The following HDAC4 variants were observed in gnomAD, a reference collection of about 807,000 sequenced individuals.
HDAC4 encodes the protein histone deacetylase A.
HDAC4 carries 16 observed loss-of-function variants against 135.1 expected under a neutral mutation model. The ratio of observed to expected loss-of-function variants is 0.12; its 90% confidence interval spans 0.08 to 0.18. The LOEUF (loss-of-function observed/expected upper bound fraction) is 0.18, where lower values mean the gene tolerates loss of function less well. HDAC4 is among the 10% of genes least tolerant of loss of function. The pLI is 1.00. For missense variants in HDAC4, 1,143 were observed against 1,511.8 expected, an observed-to-expected ratio of 0.76 and a Z score of 4.05; for synonymous variants, 685 against 653.4, an observed-to-expected ratio of 1.05 and a Z score of -0.74.
chr2:239,280,297 G>A (rs1035239259), intron 2 of HDAC4, among the ~76,000 whole-genome samples: 4 of 152,196 alleles, frequency 2.6e-5, no homozygotes, highest in African/African-American at 9.7e-5. Context: ...CTGTGTTAAA[G>A]AAGGAAAGAA....
intron 1 of HDAC4, among the ~76,000 whole-genome samples, chr2:239,380,279 T>G (rs1695323140): frequency 6.6e-6 from 1 of 152,216 alleles, no homozygotes; most frequent in Admixed American, 6.5e-5. Flanking sequence ...CACACACACG[T>G]CCGTGCACAC....
chr2:239,227,036 G>T (rs1457571384), intron 3 of HDAC4, among the ~76,000 whole-genome samples: 1 of 152,258 alleles, frequency 6.6e-6, no homozygotes, highest in Non-Finnish European at 1.5e-5. Flanking sequence ...AATGCTGGAA[G>T]TCAGAAAGGA....
At chr2:239,123,497 G>GAGCA (rs1262296346) in intron 12 of HDAC4, among the ~76,000 whole-genome samples, 1 of 152,248 alleles carries the variant, frequency 6.6e-6, no homozygotes, top group African/African-American at 2.4e-5. Flanking sequence ...TGCCACCCTG[G>GAGCA]AGCAAGGCCC....
intron 22 of HDAC4, among the ~76,000 whole-genome samples, chr2:239,074,798 T>C (rs1475611937): frequency 6.6e-6 from 1 of 152,126 alleles, no homozygotes; most frequent in East Asian, 1.9e-4. Context: ...ACTCCCTGTG[T>C]CTTCAGGACT....
chr2:239,323,197 C>CA (rs138737731), intron 2 of HDAC4, among the ~76,000 whole-genome samples: 3 of 152,052 alleles, frequency 2.0e-5, no homozygotes, highest in African/African-American at 7.2e-5. Context: ...TACGGAGCTA[C>CA]AAAAAAATCC....
chr2:239,263,406 A>T (rs2049506455), intron 2 of HDAC4, among the ~76,000 whole-genome samples: 1 of 151,510 alleles, frequency 6.6e-6, no homozygotes, highest in African/African-American at 2.4e-5. Context: ...TCTTCACAAC[A>T]GGCAGCAGGT....
intron 16 of HDAC4, among the ~76,000 whole-genome samples, chr2:239,101,379 T>C (rs10169279): frequency 0.6 from 91,221 of 151,968 alleles, 28,095 homozygotes; most frequent in African/African-American, 0.74. Flanking sequence ...CGTGAGCGAG[T>C]GAGTGAGTGA....
chr2:239,127,367 G>T (rs1303348922), intron 11 of HDAC4, among the ~76,000 whole-genome samples: 1 of 152,198 alleles, frequency 6.6e-6, no homozygotes, highest in African/African-American at 2.4e-5. Flanking sequence ...CATTTTGATA[G>T]ATGATCTTGC....
chr2:239,266,964 G>T (rs1256822566), intron 2 of HDAC4, among the ~76,000 whole-genome samples: 1 of 152,160 alleles, frequency 6.6e-6, no homozygotes, highest in Admixed American at 6.5e-5. Flanking sequence ...ACAAGGCAGG[G>T]CTACTGGTAA....
chr2:239,214,987 C>A (rs963213859), intron 3 of HDAC4, among the ~76,000 whole-genome samples: 1 of 152,174 alleles, frequency 6.6e-6, no homozygotes, highest in African/African-American at 2.4e-5. Flanking sequence ...CTGAGAACGC[C>A]CAGCTGGGGA....
At chr2:239,079,817 T>C (rs1402348989) in intron 22 of HDAC4, among the ~76,000 whole-genome samples, 3 of 150,768 alleles carry the variant, frequency 2.0e-5, no homozygotes, top group African/African-American at 4.9e-5. Flanking sequence ...TGTACTCATA[T>C]ACAGATGTGC....
At chr2:239,336,282 T>C (rs1691934325) in intron 2 of HDAC4, among the ~76,000 whole-genome samples, 1 of 152,182 alleles carries the variant, frequency 6.6e-6, no homozygotes, top group African/African-American at 2.4e-5. Context: ...CATTTCACAA[T>C]CTGGGTAGCA....
At chr2:239,166,156 C>A (rs1175487350) in intron 5 of HDAC4, among the ~76,000 whole-genome samples, 1 of 152,142 alleles carries the variant, frequency 6.6e-6, no homozygotes, top group African/African-American at 2.4e-5. Context: ...TACGGCAGAA[C>A]CCCACTCCCA....
intron 4 of HDAC4, among the ~76,000 whole-genome samples, chr2:239,180,404 G>A (rs1045914345): frequency 6.6e-6 from 1 of 151,798 alleles, no homozygotes; most frequent in African/African-American, 2.4e-5. Context: ...CGGTTTCCAC[G>A]ACCACCCAGA....
At chr2:239,071,746 C>T (rs1049444601) in intron 22 of HDAC4, among the ~76,000 whole-genome samples, 1 of 152,108 alleles carries the variant, frequency 6.6e-6, no homozygotes, top group African/African-American at 2.4e-5. Flanking sequence ...ACATTTCCAC[C>T]GAAAGCTCTG....
At chr2:239,311,812 G>A (rs530679799) in intron 2 of HDAC4, among the ~76,000 whole-genome samples, 1 of 152,328 alleles carries the variant, frequency 6.6e-6, no homozygotes, top group African/African-American at 2.4e-5. Flanking sequence ...CTTCCTCACG[G>A]TGACATGGCA....
At chr2:239,293,473 C>T (rs920513674) in intron 2 of HDAC4, among the ~76,000 whole-genome samples, 11 of 152,164 alleles carry the variant, frequency 7.2e-5, no homozygotes, top group Non-Finnish European at 1.0e-4. Flanking sequence ...CCAGCAGGGG[C>T]GGAACATTAA....
At chr2:239,074,184 T>A (rs921217711) in intron 22 of HDAC4, among the ~76,000 whole-genome samples, 2 of 152,238 alleles carry the variant, frequency 1.3e-5, no homozygotes, top group African/African-American at 2.4e-5. Context: ...AAAGTTCTTG[T>A]CATAAAACCT....
intron 3 of HDAC4, among the ~76,000 whole-genome samples, chr2:239,225,539 G>A (rs1575458179): frequency 6.6e-6 from 1 of 152,232 alleles, no homozygotes; most frequent in African/African-American, 2.4e-5. Flanking sequence ...AGAAACACCT[G>A]GATGGAGGGG....
Sources: allele counts gnomAD v4.1 joint callset (sites outside exome capture counted in the v4.1 genomes callset), GRCh38; gene constraint gnomAD v4.1.1; transcripts MANE v1.5; gene names NCBI Gene and HGNC (gene_info 2026-07-23, HGNC 2026-07-21).